CFAP47: variants seen among roughly 807,000 people sequenced by gnomAD.
CFAP47 encodes cilia and flagella associated protein 47.
Under a neutral mutation model 148.1 loss-of-function variants are expected in CFAP47, and 29 were observed. The observed-to-expected ratio is 0.20, with a 90% CI of 0.15 to 0.27. CFAP47 has a LOEUF of 0.27. CFAP47 is among the 10% of genes least tolerant of loss of function. CFAP47 has a pLI of 1.00. For synonymous variants in CFAP47, 664 were observed against 577.3 expected (o/e 1.15, Z -2.15); for missense variants, 1,872 against 1,697.5 (o/e 1.10, Z -1.81).
intron 22 of CFAP47, among the ~76,000 whole-genome samples, chrX:36,025,479 G>GAAA (rs772751004): frequency 2.5e-4 from 25 of 100,069 alleles, no homozygotes; most frequent in African/African-American, 8.7e-4. Context: ...AAATAAAAAT[G>GAAA]AAAAAAAAAA....
At chrX:36,161,619 C>T (rs747040343) in intron 39 of CFAP47, among the ~76,000 whole-genome samples, 9 of 111,675 alleles carry the variant, frequency 8.1e-5, no homozygotes, top group South Asian at 7.4e-4. Flanking sequence ...AGGAAGACGA[C>T]GGAAGGTGAT....
intron 26 of CFAP47, among the ~76,000 whole-genome samples, chrX:36,060,865 C>T (rs963378050): frequency 7.2e-5 from 8 of 111,748 alleles, no homozygotes; most frequent in Non-Finnish European, 1.3e-4. Flanking sequence ...TCCCTTCCTC[C>T]TCCTCATTCA....
At chrX:36,129,074 C>G (rs1035426375) in intron 33 of CFAP47, among the ~76,000 whole-genome samples, 3 of 109,710 alleles carry the variant, frequency 2.7e-5, no homozygotes, top group African/African-American at 9.9e-5. Flanking sequence ...ACTGATAAGA[C>G]CATCTAGATT....
At chrX:36,048,438 AT>A (rs963477024) in intron 26 of CFAP47, among the ~76,000 whole-genome samples, 9 of 110,887 alleles carry the variant, frequency 8.1e-5, no homozygotes, top group African/African-American at 2.0e-4. Flanking sequence ...TGATTTCTTG[AT>A]TTTTTTGCTT....
intron 30 of CFAP47, among the ~76,000 whole-genome samples, chrX:36,086,377 C>A (rs1054945781): frequency 9.0e-6 from 1 of 111,625 alleles, no homozygotes; most frequent in Non-Finnish European, 1.9e-5. Context: ...TGCTCCTATA[C>A]AATTAAAATG....
At chrX:36,335,274 A>G (rs1941595931) in intron 57 of CFAP47, among the ~76,000 whole-genome samples, 1 of 110,861 alleles carries the variant, frequency 9.0e-6, no homozygotes, top group Non-Finnish European at 1.9e-5. Context: ...ACATCCCCCA[A>G]TCAACCTGTC....
At chrX:36,328,585 T>C (rs1480221022) in intron 57 of CFAP47, among the ~76,000 whole-genome samples, 1 of 102,466 alleles carries the variant, frequency 9.8e-6, no homozygotes, top group African/African-American at 3.6e-5. Context: ...CCGAGGCGGG[T>C]GGATCATGAG....
chrX:36,298,466 G>A (rs1221048228), intron 51 of CFAP47, among the ~76,000 whole-genome samples: 1 of 105,413 alleles, frequency 9.5e-6, no homozygotes, highest in Non-Finnish European at 2.0e-5. Context: ...GCTAGATGAC[G>A]AGTTAGTGGG....
intron 39 of CFAP47, among the ~76,000 whole-genome samples, chrX:36,163,846 G>A (rs1026981429): frequency 7.2e-5 from 8 of 111,535 alleles, no homozygotes; most frequent in Non-Finnish European, 1.3e-4. Context: ...TTGACCTCAG[G>A]TGATCCACCC....
intron 51 of CFAP47, among the ~76,000 whole-genome samples, chrX:36,296,500 A>G (rs1038307955): frequency 1.4e-4 from 16 of 112,464 alleles, no homozygotes; most frequent in Non-Finnish European, 2.4e-4. Context: ...ATCAGAAAAT[A>G]TTACATGTGG....
chrX:36,131,664 A>T (rs750382043), intron 33 of CFAP47, among the ~76,000 whole-genome samples: 6 of 111,935 alleles, frequency 5.4e-5, no homozygotes, highest in Admixed American at 9.5e-5. Context: ...AATGTTATTC[A>T]GCAATAAAAA....
intron 37 of CFAP47, among the ~76,000 whole-genome samples, chrX:36,150,335 T>A (rs921753481): frequency 8.9e-6 from 1 of 112,078 alleles, no homozygotes; most frequent in African/African-American, 3.2e-5. Flanking sequence ...CACATGCTAA[T>A]GACATAAATA....
chrX:36,075,201 TTTTATTTATTTATTTA>T lies in CFAP47; in HGVS notation c.4691+1866_4691+1881del, dbSNP rs34532797. Among the ~76,000 whole-genome samples, 7 of 106,615 alleles carry T rather than the reference TTTTATTTATTTATTTA, an allele frequency of 6.6e-5. No homozygotes were observed. In the East Asian group the frequency reaches 1.5e-3, roughly 22 times the overall value. 92.6% of individuals were successfully genotyped at this position (106,615 alleles called of 115,157 possible). A position where few individuals can be genotyped will look rare whatever the true frequency, so the allele number is the denominator to read the frequency against. Reference sequence around the variant, plus strand: ...TTAATTTTAATTTTATATGTATTATTTTTATTTATTTATTTATTTATTTATTTATTTATTTATTTAT... The same window carrying T: ...TTAATTTTAATTTTATATGTATTATTTTTATTTATTTATTTATTTATTTAT... On this transcript the variant is annotated intron_variant, in intron 29 of 63. Transcript: ENST00000378653.
At chrX:36,337,856 C>CTTTTTTTTTT (rs1196038760) in intron 57 of CFAP47, among the ~76,000 whole-genome samples, 1 of 58,342 alleles carries the variant, frequency 1.7e-5, no homozygotes, top group African/African-American at 8.8e-5. Flanking sequence ...TTCCATAATC[C>CTTTTTTTTTT]TTTTTTTTTT....
chrX:36,180,501 G>T (rs1435650275), intron 40 of CFAP47, among the ~76,000 whole-genome samples: 1 of 112,164 alleles, frequency 8.9e-6, no homozygotes. Flanking sequence ...ATCCAAAAAT[G>T]TATCAAGGGG....
chrX:36,153,870 C>T (rs887208979), intron 37 of CFAP47, among the ~76,000 whole-genome samples: 13 of 111,873 alleles, frequency 1.2e-4, no homozygotes, highest in African/African-American at 3.6e-4. Flanking sequence ...GGGCAGCAAA[C>T]ACCAGGGTCT....
At position 36,047,079 on chromosome X, in the gene CFAP47, G is replaced by A. The variant is rs1356296211; in HGVS notation, c.4217+16G>A. ...GAAAAAACTGGTAAGATATCTAAAT[G>A]TACATTATTTTGTATCTGACATTAA... On this transcript the variant is annotated intron_variant, in intron 26 of 63. Transcript: ENST00000378653. 2.9e-6 allele frequency: 3 copies of A among 1,020,110 alleles called. No individual in the cohort carries two copies. The highest frequency in any genetic ancestry group is 5.3e-5 in the Admixed American group (2 of 37,459). The allele number at this position is 1,020,110 out of a possible 1,213,427, so 84.1% of individuals were successfully genotyped here.
chrX:36,116,703 A>G (rs781488218), intron 33 of CFAP47, among the ~76,000 whole-genome samples: 6 of 112,043 alleles, frequency 5.4e-5, no homozygotes, highest in Non-Finnish European at 7.5e-5. Context: ...TGTTAATTAT[A>G]TAATGGGGTA....
chrX:36,100,015 T>C (rs911991805), intron 32 of CFAP47, 136 bp downstream of exon 32: 4 of 374,391 alleles, frequency 1.1e-5, no homozygotes, highest in African/African-American at 1.1e-4. Context: ...TATTGCTTTC[T>C]CATGGAACTG....
Sources: gnomAD v4.1 joint callset for allele counts (sites outside exome capture counted in the v4.1 genomes callset) on GRCh38, gnomAD v4.1.1 for gene constraint, MANE v1.5 for transcripts, NCBI Gene and HGNC (gene_info 2026-07-23, HGNC 2026-07-21) for gene names.